SEMA3C: variants seen among roughly 807,000 people sequenced by gnomAD.
SEMA3C encodes semaphorin 3C, also known as semaphorin-3C.
Under a neutral mutation model 89.4 loss-of-function variants are expected in SEMA3C, and 47 were observed. That is an observed-to-expected ratio of 0.53 (90% CI 0.42 to 0.67). SEMA3C has a LOEUF of 0.67. SEMA3C is among the 30% of genes least tolerant of loss of function. SEMA3C has a pLI of 0.00. For synonymous variants in SEMA3C, 310 were observed against 320.2 expected (o/e 0.97, Z 0.34); for missense variants, 839 against 929.1 (o/e 0.90, Z 1.26).
At chr7:80,859,891 G>A (rs946988520) in intron 2 of SEMA3C, among the ~76,000 whole-genome samples, 9 of 151,962 alleles carry the variant, frequency 5.9e-5, no homozygotes, top group East Asian at 1.9e-4. Context: ...TGGTTTAGGA[G>A]TCCCTTTGTA....
At position 80,818,320 on chromosome 7, in the gene SEMA3C, C is replaced by A. The variant is rs1216880921; in HGVS notation, c.426G>T (p.Leu142Phe). 1 of 1,610,526 alleles carries A rather than the reference C, an allele frequency of 6.2e-7. No homozygotes were observed. The highest frequency in any genetic ancestry group is 1.7e-5 in the Admixed American group (1 of 59,992). Reference sequence around the variant, plus strand: ...TTACCTCTGATCTCCTCCCTCTGTTCAAGTAAGTACAGACAGGACTGAAAG... The same window carrying A: ...TTACCTCTGATCTCCTCCCTCTGTTAAAGTAAGTACAGACAGGACTGAAAG... ...SGAFSPVCTY[L>F]NRGRRSEDQV... The change falls in exon 5 of 18, where the codon TTG becomes TTT. Residue 142 changes from leucine to phenylalanine, a missense_variant. Leu to Phe is a conservative substitution (Grantham distance 22, BLOSUM62 0). Transcript: ENST00000265361.
At chr7:80,856,262 T>C (rs1790637663) in intron 2 of SEMA3C, among the ~76,000 whole-genome samples, 2 of 152,054 alleles carry the variant, frequency 1.3e-5, no homozygotes, top group Non-Finnish European at 2.9e-5. Context: ...TGAGGATACA[T>C]TTTAGAACAT....
chr7:80,860,679 C>T (rs1202882121), intron 2 of SEMA3C, among the ~76,000 whole-genome samples: 1 of 152,102 alleles, frequency 6.6e-6, no homozygotes, highest in African/African-American at 2.4e-5. Context: ...GTCAAGGGCC[C>T]ATGGTCATTA....
chr7:80,749,027 T>G lies in SEMA3C; in HGVS notation c.1713A>C (p.Ala571=). 1.3e-6 allele frequency: 2 copies of G among 1,597,138 alleles called. No homozygotes were observed. The highest frequency in any genetic ancestry group is 8.5e-7 in the Non-Finnish European group (1 of 1,174,216). ...GGACAATTTCAGCTGCATTTCTGTA[T>G]GCTAGCAGGCAAAAATAAAAGGCGA... ...LTQCRGFNLK[A]YRNAAEIVQY... is the part of the protein sequence containing the mutation. The change falls in exon 17 of 18, where the codon GCA becomes GCC. Residue 571 remains alanine, a splice_region_variant and synonymous_variant. Transcript: ENST00000265361.
chr7:80,885,366 T>A (rs1003882880), intron 2 of SEMA3C, among the ~76,000 whole-genome samples: 4 of 152,076 alleles, frequency 2.6e-5, no homozygotes, highest in African/African-American at 9.7e-5. Context: ...CCTGTAATCC[T>A]AGCACTTTGG....
intron 11 of SEMA3C, among the ~76,000 whole-genome samples, chr7:80,792,490 A>C (rs1271888447): frequency 1.3e-5 from 2 of 152,206 alleles, no homozygotes. Context: ...TAAACAATTT[A>C]CATAATTTCC....
chr7:80,907,232 T>G (rs967404152), intron 2 of SEMA3C, among the ~76,000 whole-genome samples: 1 of 152,090 alleles, frequency 6.6e-6, no homozygotes, highest in African/African-American at 2.4e-5. Flanking sequence ...TCCAGTTGCA[T>G]GTGCATTAAA....
Position 80,890,106 on chromosome 7 carries a change from G to A in SEMA3C, c.103+26573C>T, listed in dbSNP as rs576921684. ...TGTGGCTAAAAGGTCTATTGATTTT[G>A]AAAATCTGGGCACTTGTGTAAGTTA... On this transcript the variant is annotated intron_variant, in intron 2 of 17. Transcript: ENST00000265361. Among the ~76,000 whole-genome samples the A allele has an allele frequency of 2.0e-4, 30 of 152,264 alleles. 1 individual carries two copies. The South Asian group carries it at 6.2e-3, about 32-fold the overall frequency.
At position 80,768,597 on chromosome 7, in the gene SEMA3C, A is replaced by G. The variant is rs917158620; in HGVS notation, c.1355-3354T>C. On this transcript the variant is annotated intron_variant, in intron 12 of 17. Coordinates refer to ENST00000265361, the MANE Select transcript of SEMA3C (RefSeq NM_006379.5). Reference sequence around the variant, plus strand: ...ATAATACAAGTAAAGATTAGAAGTGAAAAAACATTTGGGGATGGGGATGCT... The same window carrying G: ...ATAATACAAGTAAAGATTAGAAGTGGAAAAACATTTGGGGATGGGGATGCT... 7.9e-5 allele frequency among the ~76,000 whole-genome samples: 12 copies of G among 152,152 alleles called. 1 individual carries two copies. Among genetic ancestry groups the G allele is most frequent in the Non-Finnish European group, 5.9e-5 (4 of 68,030 alleles).
rs550746886 is a variant in SEMA3C, at chr7:80,871,888, TATTA to T, written c.104-43147_104-43144del. Among the ~76,000 whole-genome samples, 18 of 152,264 alleles carry T rather than the reference TATTA, an allele frequency of 1.2e-4. 1 individual carries two copies. The East Asian group carries it at 3.5e-3, about 29-fold the overall frequency. On this transcript the variant is annotated intron_variant, in intron 2 of 17. Transcript: ENST00000265361. ...AAAATTGAGGGAAACCTTAAATATG[TATTA>T]ATTTATTAAAAATAACCATAAAATG...
chr7:80,881,814 A>G (rs1027718544), intron 2 of SEMA3C, among the ~76,000 whole-genome samples: 9 of 152,172 alleles, frequency 5.9e-5, no homozygotes, highest in African/African-American at 1.9e-4. Flanking sequence ...GAGGGGGAAA[A>G]TATCAAGCCA....
chr7:80,810,754 A>T (rs1789450041), intron 5 of SEMA3C, 53 bp from the exon 6 acceptor site: 1 of 1,335,348 alleles, frequency 7.5e-7, no homozygotes, highest in Non-Finnish European at 1.1e-6. Flanking sequence ...TTTAGTGAAG[A>T]CAATTGTTCA....
intron 12 of SEMA3C, among the ~76,000 whole-genome samples, chr7:80,785,975 A>G (rs1277787951): frequency 6.6e-6 from 1 of 152,126 alleles, no homozygotes; most frequent in East Asian, 1.9e-4. Flanking sequence ...ATTGTTTAAA[A>G]ATTATAATGC....
chr7:80,794,016 GAAGC>G (rs1789004701), intron 11 of SEMA3C, among the ~76,000 whole-genome samples: 1 of 151,952 alleles, frequency 6.6e-6, no homozygotes, highest in South Asian at 2.1e-4. Flanking sequence ...CCCTTTGTCT[GAAGC>G]CAAAAAAATT....
chr7:80,750,077 C>A (rs539368351), intron 16 of SEMA3C, among the ~76,000 whole-genome samples: 11 of 152,050 alleles, frequency 7.2e-5, no homozygotes, highest in African/African-American at 2.7e-4. Context: ...AAAAAGAATG[C>A]CATTTTTTAC....
chr7:80,895,296 G>A (rs961300167), intron 2 of SEMA3C, among the ~76,000 whole-genome samples: 1 of 152,180 alleles, frequency 6.6e-6, no homozygotes, highest in African/African-American at 2.4e-5. Context: ...GTAAAGGGCA[G>A]AAAGCAATGG....
chr7:80,839,150 A>C (rs1372247353), intron 2 of SEMA3C, among the ~76,000 whole-genome samples: 1 of 152,180 alleles, frequency 6.6e-6, no homozygotes, highest in Non-Finnish European at 1.5e-5. Flanking sequence ...ACTTCTAAAA[A>C]GTAGAATAAA....
At chr7:80,878,292 C>T (rs941029554) in intron 2 of SEMA3C, among the ~76,000 whole-genome samples, 1 of 152,096 alleles carries the variant, frequency 6.6e-6, no homozygotes, top group Non-Finnish European at 1.5e-5. Flanking sequence ...GCAGGAGAAT[C>T]GCTTGAACCT....
chr7:80,813,994 T>G (rs755376971), intron 5 of SEMA3C, among the ~76,000 whole-genome samples: 11 of 152,204 alleles, frequency 7.2e-5, no homozygotes, highest in Non-Finnish European at 1.3e-4. Context: ...AGTTGAAAAC[T>G]TCTATGTTTT....
Sources: gnomAD v4.1 joint callset for allele counts (sites outside exome capture counted in the v4.1 genomes callset) on GRCh38, gnomAD v4.1.1 for gene constraint, MANE v1.5 for transcripts, NCBI Gene and HGNC (gene_info 2026-07-23, HGNC 2026-07-21) for gene names.